Variants in SIM1 observed in about 807,000 individuals in gnomAD.
SIM1 encodes SIM bHLH transcription factor 1.
In SIM1, 18 loss-of-function variants were observed where a neutral mutation model predicts 78.2. The ratio of observed to expected loss-of-function variants is 0.23; its 90% CI spans 0.16 to 0.34. SIM1 has a LOEUF of 0.34. SIM1 is among the 10% of genes least tolerant of loss of function. The pLI is 1.00. For missense variants in SIM1, 939 were observed against 975.1 expected (o/e 0.96, Z 0.49); for synonymous variants, 417 against 385.2 (o/e 1.08, Z -0.97).
chr6:100,447,374 G>A lies in SIM1; in HGVS notation c.892C>T (p.Leu298=). The A allele has an allele frequency of 6.2e-7, 1 of 1,614,264 alleles. No homozygotes were observed. The highest frequency in any genetic ancestry group is 8.5e-7 in the Non-Finnish European group (1 of 1,180,056). Residue 298 remains leucine, a synonymous_variant, in exon 9 of 12, where the codon CTG becomes TTG. Transcript: ENST00000369208. The stretch of plus-strand genomic sequence containing the variant: ...CATACCCAGCCGCCGTGTTTCGCCA[G>A]GAACCTGTAGTACTTGGTGGTCACC... ...GQVTTKYYRF[L]AKHGGWVWVQ...
At chr6:100,443,414 C>T (rs1292868449) in intron 9 of SIM1, among the ~76,000 whole-genome samples, 1 of 152,068 alleles carries the variant, frequency 6.6e-6, no homozygotes, top group East Asian at 1.9e-4. Context: ...CCAAATTACT[C>T]ACTAAATCTA....
chr6:100,391,008 C>T lies in SIM1; in HGVS notation c.1654G>A (p.Glu552Lys), dbSNP rs1166961252. 2.5e-6 allele frequency: 4 copies of T among 1,613,974 alleles called. No individual in the cohort carries two copies. The highest frequency in any genetic ancestry group is 3.4e-6 in the Non-Finnish European group (4 of 1,180,012). ...ASESGDRYRT[E>K]QYQSSPHEPS... is the part of the protein sequence containing the mutation. Reference sequence around the variant, plus strand: ...TCATGTGGGCTACTTTGATACTGCTCAGTACGATATCGGTCACCTGATTCA... The same window carrying T: ...TCATGTGGGCTACTTTGATACTGCTTAGTACGATATCGGTCACCTGATTCA... The change falls in exon 12 of 12, where the codon GAG becomes AAG. Residue 552 changes from glutamate to lysine, a missense_variant. Transcript: ENST00000369208.
intron 9 of SIM1, among the ~76,000 whole-genome samples, chr6:100,442,893 A>G (rs1191993004): frequency 2.0e-5 from 3 of 152,110 alleles, no homozygotes; most frequent in Non-Finnish European, 4.4e-5. Flanking sequence ...TTGCTGCTTT[A>G]TGGCAAGGAT....
rs776268413 is a variant in SIM1, at chr6:100,449,411, C to T, written c.495G>A (p.Lys165=). 1.2e-6 allele frequency: 2 copies of T among 1,614,158 alleles called. No homozygotes were observed. The highest frequency in any genetic ancestry group is 1.7e-6 in the Non-Finnish European group (2 of 1,180,020). ...EIERSFFLRM[K]CVLAKRNAGL... is the part of the protein sequence containing the mutation. ...CGGCGTTACGCTTGGCCAAGACGCA[C>T]TTCATCCTCAGGAAGAAGGAGCGCT... The change falls in exon 6 of 12, where the codon AAG becomes AAA. Residue 165 remains lysine (K), a synonymous_variant. Coordinates refer to ENST00000369208, the MANE Select transcript of SIM1 (RefSeq NM_005068.3).
rs1192362139 is a variant in SIM1, at chr6:100,386,826, T to G, written c.*3535A>C. The stretch of plus-strand genomic sequence containing the variant: ...CTCATTTTGAATGTCACCTCAGCAC[T>G]GTCATATTATCTTTTATCAGGCAAT... On this transcript the variant is annotated 3_prime_UTR_variant, in exon 12 of 12. Transcript: ENST00000369208. The G allele has an allele frequency of 6.6e-6, 1 of 152,120 alleles. No homozygotes were observed. Among genetic ancestry groups the G allele is most frequent in the Non-Finnish European group, 1.5e-5 (1 of 67,954 alleles). 9.4% of individuals were successfully genotyped at this position (152,120 alleles called of 1,614,324 possible).
At chr6:100,401,224 T>C (rs34729906) in intron 10 of SIM1, among the ~76,000 whole-genome samples, 41,601 of 151,992 alleles carry the variant, frequency 0.27, 6,108 homozygotes, top group East Asian at 0.57. Context: ...ATAACTGGGC[T>C]GTGTTCTTCA....
rs10522700 is a variant in SIM1, at chr6:100,461,841, C to CTT, written c.175+1451_175+1452dup. 9.4e-3 allele frequency among the ~76,000 whole-genome samples: 1,063 copies of CTT among 113,232 alleles called. 16 individuals carry two copies. Among genetic ancestry groups the CTT allele is most frequent in the African/African-American group, 0.035 (984 of 27,972 alleles). The allele number at this position is 113,232 out of a possible 152,430, so 74.3% of individuals were successfully genotyped here. A position where few individuals can be genotyped will look rare whatever the true frequency, so the allele number is the denominator to read the frequency against. On this transcript the variant is annotated intron_variant, in intron 2 of 11. Transcript: ENST00000369208. ...TTCTTCTTTTTTTCTTTCTTTCTTT[C>CTT]TTTTTTTTTTTTTTTTTTTAATTTT...
chr6:100,454,609 T>C (rs1772599673), intron 2 of SIM1, among the ~76,000 whole-genome samples: 1 of 152,186 alleles, frequency 6.6e-6, no homozygotes, highest in Admixed American at 6.5e-5. Context: ...TCATCTCTAA[T>C]TGAGACTCAT....
intron 10 of SIM1, among the ~76,000 whole-genome samples, chr6:100,420,006 A>G (rs562307689): frequency 6.6e-6 from 1 of 152,206 alleles, no homozygotes; most frequent in African/African-American, 2.4e-5. Flanking sequence ...TGCAGGAGGT[A>G]TGAGATGATG....
chr6:100,391,804 A>G (rs1209524744), intron 11 of SIM1, among the ~76,000 whole-genome samples: 1 of 152,182 alleles, frequency 6.6e-6, no homozygotes, highest in African/African-American at 2.4e-5. Context: ...AATATTATCA[A>G]ATTTAGGGGT....
chr6:100,416,453 C>T (rs1477416548), intron 10 of SIM1, among the ~76,000 whole-genome samples: 1 of 152,042 alleles, frequency 6.6e-6, no homozygotes, highest in East Asian at 1.9e-4. Context: ...ATGTAAGTAG[C>T]TAAAGAGGCA....
chr6:100,457,021 G>A (rs546543671), intron 2 of SIM1, among the ~76,000 whole-genome samples: 1 of 152,196 alleles, frequency 6.6e-6, no homozygotes, highest in Non-Finnish European at 1.5e-5. Context: ...GCGAATGAAT[G>A]ATGAGCCCCA....
chr6:100,399,445 G>A (rs1428129655), intron 10 of SIM1, among the ~76,000 whole-genome samples: 1 of 152,018 alleles, frequency 6.6e-6, no homozygotes, highest in Non-Finnish European at 1.5e-5. Flanking sequence ...GACAAAAGCA[G>A]GAGTAGGAGA....
chr6:100,453,708 C>T, intron 3 of SIM1, 54 bp downstream of exon 3: 1 of 1,290,682 alleles, frequency 7.7e-7, no homozygotes, highest in South Asian at 1.3e-5. Context: ...CAACTCAGGG[C>T]CAGGCACTCA....
intron 9 of SIM1, among the ~76,000 whole-genome samples, chr6:100,446,265 T>C (rs1772350584): frequency 6.6e-6 from 1 of 152,230 alleles, no homozygotes; most frequent in South Asian, 2.1e-4. Context: ...ACCTATAGTA[T>C]AGTCTGATTC....
At chr6:100,446,519 C>G (rs1459754114) in intron 9 of SIM1, among the ~76,000 whole-genome samples, 2 of 152,196 alleles carry the variant, frequency 1.3e-5, no homozygotes, top group Non-Finnish European at 2.9e-5. Context: ...CTTTCTTCAC[C>G]AGCCGCACAC....
At chr6:100,415,074 GA>G (rs1771364114) in intron 10 of SIM1, among the ~76,000 whole-genome samples, 2 of 152,202 alleles carry the variant, frequency 1.3e-5, no homozygotes, top group Admixed American at 1.3e-4. Context: ...ACTGACTAGG[GA>G]AAAGGCAAGA....
rs1226161721 is a variant in SIM1 at position 100,388,375 on chromosome 6, G to C, written c.*1986C>G. 6.6e-6 allele frequency: 1 copy of C among 152,148 alleles called. No individual in the cohort carries two copies. Among genetic ancestry groups the C allele is most frequent in the Non-Finnish European group, 1.5e-5 (1 of 68,016 alleles). The allele number at this position is 152,148 out of a possible 1,614,324, so 9.4% of individuals were successfully genotyped here. ...TGATTGGAAAAAAAACCACACATAA[G>C]TGAATCTGCACAGTTCAAACCCATG... On this transcript the variant is annotated 3_prime_UTR_variant, in exon 12 of 12. Transcript: ENST00000369208.
intron 2 of SIM1, among the ~76,000 whole-genome samples, chr6:100,462,184 T>C (rs182746809): frequency 1.3e-5 from 2 of 152,262 alleles, no homozygotes; most frequent in Admixed American, 1.3e-4. Context: ...CCCAAACATC[T>C]AAAATCAACA....
Sources: gnomAD v4.1 joint callset for allele counts (sites outside exome capture counted in the v4.1 genomes callset) on GRCh38, gnomAD v4.1.1 for gene constraint, MANE v1.5 for transcripts, NCBI Gene and HGNC (gene_info 2026-07-23, HGNC 2026-07-21) for gene names.